Variants in TTC23 observed in about 807,000 individuals in gnomAD.
TTC23 encodes tetratricopeptide repeat domain 23.
A neutral mutation model predicts 55.1 loss-of-function variants in TTC23; 58 were observed. That is an observed-to-expected ratio of 1.05 (90% confidence interval 0.85 to 1.31). The LOEUF (loss-of-function observed/expected upper bound fraction) is 1.31, where lower values mean the gene tolerates loss of function less well. TTC23 is among the 50% of genes most tolerant of loss of function. The pLI is 0.00. For missense variants in TTC23, 516 were observed against 534.4 expected (o/e 0.97, Z 0.34); for synonymous variants, 203 against 199.9 (o/e 1.02, Z -0.13).
chr15:99,155,163 C>G (rs1428398873), intron 12 of TTC23, among the ~76,000 whole-genome samples: 1 of 151,764 alleles, frequency 6.6e-6, no homozygotes, highest in Non-Finnish European at 1.5e-5. Context: ...TTAAAAAAAT[C>G]AAAAGATATA....
chr15:99,156,434 C>G (rs1413089701), intron 11 of TTC23, 137 bp from the exon 12 acceptor site: 1 of 1,022,944 alleles, frequency 9.8e-7, no homozygotes, highest in Non-Finnish European at 1.4e-6. Flanking sequence ...AGTCCATTCT[C>G]ATGCTGCTAT....
rs1477484177 is a variant in TTC23, at chr15:99,138,318, A to T, written c.1227-191T>A. Reference sequence around the variant, plus strand: ...TTTTCCTCCCATCTTTTATTTTTTTAATTTTTTTTTTTTCAGACAGAGTCT... The same window carrying T: ...TTTTCCTCCCATCTTTTATTTTTTTTATTTTTTTTTTTTCAGACAGAGTCT... On this transcript the variant is annotated intron_variant, in intron 13 of 13. Coordinates refer to ENST00000394132, the MANE Select transcript of TTC23 (RefSeq NM_001288615.3). Among the ~76,000 whole-genome samples the T allele has an allele frequency of 3.3e-5, 5 of 151,290 alleles. No homozygotes were observed. The South Asian group carries it at 6.3e-4, about 19-fold the overall frequency.
At chr15:99,196,397 T>C (rs955179221) in intron 9 of TTC23, among the ~76,000 whole-genome samples, 2 of 152,162 alleles carry the variant, frequency 1.3e-5, no homozygotes, top group Admixed American at 6.5e-5. Context: ...TTTCTGGACA[T>C]TTACCCCTGG....
chr15:99,238,923 C>T (rs1429517828), intron 3 of TTC23, among the ~76,000 whole-genome samples: 1 of 152,048 alleles, frequency 6.6e-6, no homozygotes. Context: ...TCTTGAGCAC[C>T]TATTAAATCT....
chr15:99,217,537 C>T (rs1226184975), intron 8 of TTC23, among the ~76,000 whole-genome samples: 1 of 152,054 alleles, frequency 6.6e-6, no homozygotes, highest in African/African-American at 2.4e-5. Context: ...AAAACGTAAG[C>T]CATCATTAAA....
chr15:99,249,830 T>G (rs1053988865), upstream of TTC23: 5 of 152,166 alleles, frequency 3.3e-5, no homozygotes, highest in African/African-American at 1.2e-4. Flanking sequence ...GCGAATTGAT[T>G]CTCTACAAAT....
chr15:99,156,416 C>T (rs1299383141), intron 11 of TTC23, 119 bp from the exon 12 acceptor site: 2 of 1,179,464 alleles, frequency 1.7e-6, no homozygotes, highest in Non-Finnish European at 2.4e-6. Context: ...CTGTTCTCCT[C>T]TTGTATTAGT....
chr15:99,140,456 A>G (rs1481380242), intron 12 of TTC23: 5 of 151,786 alleles, frequency 3.3e-5, no homozygotes, highest in Admixed American at 2.0e-4. Context: ...TGCAACCTCC[A>G]CCTCCTGGGT....
At chr15:99,220,544 G>A (rs897618603) in intron 6 of TTC23, among the ~76,000 whole-genome samples, 1 of 152,142 alleles carries the variant, frequency 6.6e-6, no homozygotes, top group Non-Finnish European at 1.5e-5. Flanking sequence ...TACAAAATGG[G>A]GTGGGAGGGC....
intron 8 of TTC23, among the ~76,000 whole-genome samples, chr15:99,202,713 A>C (rs1430101811): frequency 1.3e-5 from 2 of 152,310 alleles, no homozygotes; most frequent in East Asian, 3.9e-4. Flanking sequence ...TTCAAATAAT[A>C]CCTGACTCCC....
chr15:99,196,088 G>C (rs2075679698), intron 9 of TTC23, among the ~76,000 whole-genome samples: 1 of 151,040 alleles, frequency 6.6e-6, no homozygotes, highest in Non-Finnish European at 1.5e-5. Flanking sequence ...GGAGGCGAAG[G>C]CTGCAGTGAG....
intron 9 of TTC23, among the ~76,000 whole-genome samples, chr15:99,198,518 G>A (rs2075933246): frequency 6.6e-6 from 1 of 152,110 alleles, no homozygotes; most frequent in African/African-American, 2.4e-5. Flanking sequence ...TTCCTAAGTG[G>A]TCTAGTTCTA....
At chr15:99,240,777 G>GTCTAA (rs1166829064) in intron 3 of TTC23, among the ~76,000 whole-genome samples, 2 of 152,114 alleles carry the variant, frequency 1.3e-5, no homozygotes, top group African/African-American at 4.8e-5. Context: ...CTGTTATTTC[G>GTCTAA]TCTAATCTAA....
intron 10 of TTC23, among the ~76,000 whole-genome samples, chr15:99,163,996 C>T (rs1424809229): frequency 6.6e-6 from 1 of 152,196 alleles, no homozygotes; most frequent in East Asian, 1.9e-4. Context: ...TGCACTGGTT[C>T]CAGGTGTGGA....
intron 8 of TTC23, among the ~76,000 whole-genome samples, chr15:99,216,354 C>T (rs2077474343): frequency 6.6e-6 from 1 of 152,044 alleles, no homozygotes; most frequent in African/African-American, 2.4e-5. Flanking sequence ...GACTTTCTAA[C>T]CAGACTCCCA....
intron 5 of TTC23, among the ~76,000 whole-genome samples, chr15:99,227,843 G>C (rs114990043): frequency 6.6e-6 from 1 of 152,112 alleles, no homozygotes; most frequent in Admixed American, 6.5e-5. Flanking sequence ...TGCAGTCTAC[G>C]TAACTCCCAT....
intron 12 of TTC23, chr15:99,148,838 G>C (rs1273420344): frequency 1.2e-4 from 18 of 152,350 alleles, no homozygotes; most frequent in African/African-American, 4.1e-4. Flanking sequence ...TTCCCCTGCA[G>C]GCAGATGCCT....
intron 10 of TTC23, among the ~76,000 whole-genome samples, chr15:99,171,515 T>C (rs2151921704): frequency 6.6e-6 from 1 of 151,616 alleles, no homozygotes; most frequent in African/African-American, 2.4e-5. Context: ...CTATGGTTGT[T>C]ACTGTCACTA....
chr15:99,177,711 T>C lies in TTC23; in HGVS notation c.760-2556A>G, dbSNP rs549649029. Among the ~76,000 whole-genome samples, 348 of 152,368 alleles carry C rather than the reference T, an allele frequency of 2.3e-3. 1 individual carries two copies. The highest frequency in any genetic ancestry group is 8.0e-3 in the African/African-American group (331 of 41,592). On this transcript the variant is annotated intron_variant, in intron 9 of 13. Transcript: ENST00000394132. ...ATTAAAACCAAAACAAGAAAGATTT[T>C]ATATTTTGTTTCTTCCTATTCAATA...
Sources: gnomAD v4.1 joint callset for allele counts (sites outside exome capture counted in the v4.1 genomes callset) on GRCh38, gnomAD v4.1.1 for gene constraint, MANE v1.5 for transcripts, NCBI Gene and HGNC (gene_info 2026-07-23, HGNC 2026-07-21) for gene names.